TMEM132C: variants seen among roughly 807,000 people sequenced by gnomAD.
The protein encoded by TMEM132C is protein phosphatase 1, regulatory subunit 152.
Under a neutral mutation model 61.4 loss-of-function variants are expected in TMEM132C, and 29 were observed. The ratio of observed to expected loss-of-function variants is 0.47; its 90% CI spans 0.35 to 0.64. The LOEUF is 0.64. Among genes scored for constraint, TMEM132C ranks in the 30% least tolerant of loss-of-function variants. The probability of loss-of-function intolerance (pLI) is 0.00; values close to 1 mark genes in which losing one functional copy is unlikely to be tolerated. For missense variants in TMEM132C, 1,408 were observed against 1,476.9 expected, an observed-to-expected ratio of 0.95 and a Z score of 0.76; for synonymous variants, 656 against 633.1, an observed-to-expected ratio of 1.04 and a Z score of -0.54.
At position 128,572,110 on chromosome 12, in the gene TMEM132C, A is replaced by G. The variant is rs575235707; in HGVS notation, c.1121+28007A>G. 2.2e-3 allele frequency among the ~76,000 whole-genome samples: 293 copies of G among 130,928 alleles called. 2 individuals are homozygous for G. Among genetic ancestry groups the G allele is most frequent in the Non-Finnish European group, 3.7e-3 (224 of 60,700 alleles). The allele number at this position is 130,928 out of a possible 152,430, so 85.9% of individuals were successfully genotyped here. Reference sequence around the variant, plus strand: ...TCACATGCCCACTGTGGCCTCTGCTAATCTCTGGTTAGCTAGGCCTGTGTC... The same window carrying G: ...TCACATGCCCACTGTGGCCTCTGCTGATCTCTGGTTAGCTAGGCCTGTGTC... On this transcript the variant is annotated intron_variant, in intron 3 of 8. Coordinates refer to ENST00000435159, the MANE Select transcript of TMEM132C (RefSeq NM_001136103.3).
intron 2 of TMEM132C, among the ~76,000 whole-genome samples, chr12:128,474,244 A>G (rs146072287): frequency 2.5e-4 from 38 of 152,310 alleles, no homozygotes; most frequent in African/African-American, 8.7e-4. Flanking sequence ...CTGGTGATGC[A>G]GATGCTGCTG....
At chr12:128,294,244 C>G (rs1223891592) in intron 1 of TMEM132C, 2 of 154,248 alleles carry the variant, frequency 1.3e-5, no homozygotes. Flanking sequence ...ACAAGCCTAG[C>G]AGACCAACAG....
chr12:128,671,478 A>C (rs2135632112), intron 5 of TMEM132C, among the ~76,000 whole-genome samples: 1 of 152,348 alleles, frequency 6.6e-6, no homozygotes, highest in Admixed American at 6.5e-5. Context: ...AAATATCAAA[A>C]AAAGCATTCG....
At chr12:128,493,746 T>G (rs1194961592) in intron 2 of TMEM132C, among the ~76,000 whole-genome samples, 1 of 152,236 alleles carries the variant, frequency 6.6e-6, no homozygotes, top group Non-Finnish European at 1.5e-5. Context: ...AAGGAGATTT[T>G]GGGCTGAGAC....
At chr12:128,522,992 G>A (rs561768661) in intron 2 of TMEM132C, among the ~76,000 whole-genome samples, 10 of 152,236 alleles carry the variant, frequency 6.6e-5, no homozygotes, top group East Asian at 5.8e-4. Context: ...ACAGTCAGAC[G>A]GTAAAAGCAA....
At chr12:128,611,205 C>CT (rs1565990996) in intron 3 of TMEM132C, among the ~76,000 whole-genome samples, 3 of 118,668 alleles carry the variant, frequency 2.5e-5, no homozygotes, top group Non-Finnish European at 5.5e-5. Context: ...GTCAGGAAGT[C>CT]CTTTGAAGCC....
intron 2 of TMEM132C, among the ~76,000 whole-genome samples, chr12:128,454,882 G>A (rs927739241): frequency 5.9e-5 from 9 of 152,204 alleles, no homozygotes; most frequent in Non-Finnish European, 5.9e-5. Context: ...ACAGAGACAG[G>A]AGCCTGCAGT....
chr12:128,506,186 A>T (rs1482480636), intron 2 of TMEM132C, among the ~76,000 whole-genome samples: 3 of 152,224 alleles, frequency 2.0e-5, no homozygotes, highest in Admixed American at 1.3e-4. Context: ...GTCTCTAGAC[A>T]TCATGCCAGC....
chr12:128,403,233 G>A (rs1210034140), intron 1 of TMEM132C, among the ~76,000 whole-genome samples: 1 of 152,132 alleles, frequency 6.6e-6, no homozygotes, highest in African/African-American at 2.4e-5. Flanking sequence ...ATGGAGAGAG[G>A]AAAAAATATT....
chr12:128,368,583 G>A (rs1352416957), intron 1 of TMEM132C, among the ~76,000 whole-genome samples: 2 of 152,180 alleles, frequency 1.3e-5, no homozygotes, highest in Non-Finnish European at 2.9e-5. Context: ...CCTTGATTTA[G>A]CAAAGGAGGG....
At chr12:128,583,074 C>T (rs1244862600) in intron 3 of TMEM132C, among the ~76,000 whole-genome samples, 1 of 152,148 alleles carries the variant, frequency 6.6e-6, no homozygotes, top group Non-Finnish European at 1.5e-5. Flanking sequence ...TTACTCACTG[C>T]AGTATTATTT....
chr12:128,645,987 A>G (rs998885256), intron 4 of TMEM132C, among the ~76,000 whole-genome samples: 5 of 150,974 alleles, frequency 3.3e-5, no homozygotes, highest in African/African-American at 1.2e-4. Context: ...GAGTGTGTTT[A>G]CTGGAGTCCA....
intron 1 of TMEM132C, among the ~76,000 whole-genome samples, chr12:128,393,972 C>A (rs535661998): frequency 6.6e-6 from 1 of 152,096 alleles, no homozygotes. Context: ...TCTTTAAAGA[C>A]GGTGTATTAG....
intron 8 of TMEM132C, among the ~76,000 whole-genome samples, chr12:128,700,698 T>G (rs1264928365): frequency 1.3e-5 from 2 of 152,216 alleles, no homozygotes; most frequent in East Asian, 3.8e-4. Context: ...CTCCCAAGCC[T>G]TGTTTGCTCT....
chr12:128,518,004 A>T (rs187872323), intron 2 of TMEM132C, among the ~76,000 whole-genome samples: 1 of 152,358 alleles, frequency 6.6e-6, no homozygotes, highest in East Asian at 1.9e-4. Flanking sequence ...TGAAAGTTTC[A>T]GCAAAGAGCA....
intron 1 of TMEM132C, among the ~76,000 whole-genome samples, chr12:128,382,442 G>A (rs189443114): frequency 2.8e-3 from 427 of 152,298 alleles, no homozygotes; most frequent in Non-Finnish European, 4.5e-3. Context: ...GAACCATGGC[G>A]AGTGTGACCA....
At chr12:128,483,173 TG>T (rs2136092872) in intron 2 of TMEM132C, among the ~76,000 whole-genome samples, 1 of 148,598 alleles carries the variant, frequency 6.7e-6, no homozygotes, top group Admixed American at 6.8e-5. Flanking sequence ...GAGGCTGAGG[TG>T]GGGCGATTGC....
chr12:128,352,146 A>G (rs762167692), intron 1 of TMEM132C, among the ~76,000 whole-genome samples: 1 of 152,174 alleles, frequency 6.6e-6, no homozygotes. Context: ...CTGTTCTCAC[A>G]CTGCTAATAA....
intron 2 of TMEM132C, among the ~76,000 whole-genome samples, chr12:128,453,935 G>A (rs889630680): frequency 3.3e-5 from 5 of 152,222 alleles, no homozygotes; most frequent in Non-Finnish European, 7.3e-5. Flanking sequence ...GGGAGAGACA[G>A]CTGTGACACG....
Sources: gnomAD v4.1 joint callset for allele counts (sites outside exome capture counted in the v4.1 genomes callset) on GRCh38, gnomAD v4.1.1 for gene constraint, MANE v1.5 for transcripts, NCBI Gene and HGNC (gene_info 2026-07-23, HGNC 2026-07-21) for gene names.